Variants in ACVR1B observed in about 807,000 individuals in gnomAD.
ACVR1B encodes the protein activin receptor type-1B.
A neutral mutation model predicts 55.6 loss-of-function variants in ACVR1B; 15 were observed. The observed-to-expected ratio is 0.27, with a 90% CI of 0.18 to 0.42. The LOEUF (loss-of-function observed/expected upper bound fraction) is 0.42. Among genes scored for constraint, ACVR1B ranks in the 10% least tolerant of loss-of-function variants. The pLI, the probability that ACVR1B is intolerant of heterozygous loss-of-function variation, is 1.00. For synonymous variants in ACVR1B, 247 were observed against 254.6 expected, an observed-to-expected ratio of 0.97 and a Z score of 0.28; for missense variants, 359 against 670.1, an observed-to-expected ratio of 0.54 and a Z score of 5.13.
chr12:51,976,306 C>T, intron 2 of ACVR1B, 21 bp from the exon 3 acceptor site: 1 of 1,613,436 alleles, frequency 6.2e-7, no homozygotes. Context: ...TTCTTTCCCT[C>T]TCCTCTCTCA....
intron 7 of ACVR1B, 140 bp downstream of exon 7, chr12:51,987,082 C>A (rs752832192): frequency 4.1e-5 from 49 of 1,199,026 alleles, no homozygotes; most frequent in East Asian, 2.6e-4. Context: ...AGGTTGCCAT[C>A]AAAGGTGTGG....
chr12:51,970,219 T>G (rs1941721127), intron 1 of ACVR1B, among the ~76,000 whole-genome samples: 1 of 152,186 alleles, frequency 6.6e-6, no homozygotes, highest in South Asian at 2.1e-4. Flanking sequence ...CCCTGCTGGC[T>G]CTGTGTGCCA....
chr12:51,990,312 C>CTTTTT lies in ACVR1B; in HGVS notation c.1262-1533_1262-1529dup, dbSNP rs71092738. ...CACACACACACACACAAATTTAGTG[C>CTTTTT]TTTTTTTTTTTTTTTTTTTTTTGAG... On this transcript the variant is annotated intron_variant, in intron 7 of 8. Coordinates refer to ENST00000257963, the MANE Select transcript of ACVR1B (RefSeq NM_004302.5). Among the ~76,000 whole-genome samples the CTTTTT allele has an allele frequency of 1.0e-3, 90 of 89,570 alleles. 4 individuals carry two copies. The highest frequency in any genetic ancestry group is 2.6e-3 in the African/African-American group (57 of 22,200). 58.8% of individuals were successfully genotyped at this position (89,570 alleles called of 152,430 possible).
At chr12:51,969,076 A>T (rs1565613795) in intron 1 of ACVR1B, among the ~76,000 whole-genome samples, 1 of 152,188 alleles carries the variant, frequency 6.6e-6, no homozygotes, top group African/African-American at 2.4e-5. Context: ...AAGCCTTCAG[A>T]TGATTCCAGC....
At chr12:51,964,325 GGTT>G (rs1057340909) in intron 1 of ACVR1B, among the ~76,000 whole-genome samples, 16 of 152,018 alleles carry the variant, frequency 1.1e-4, no homozygotes, top group Non-Finnish European at 1.8e-4. Flanking sequence ...TTTTTAATTG[GGTT>G]GTTGTTGAGT....
intron 1 of ACVR1B, among the ~76,000 whole-genome samples, chr12:51,968,673 G>T (rs1565613661): frequency 6.6e-6 from 1 of 152,180 alleles, no homozygotes; most frequent in Non-Finnish European, 1.5e-5. Flanking sequence ...TACAGTTTCT[G>T]CCAGGTTCGT....
In ACVR1B at chr12:51,991,945, T is replaced by C. The variant is rs370721275; in HGVS notation, c.1344T>C (p.Cys448=). ...PSIEEMRKVV[C]DQKLRPNIPN... ...TTGAGGAAATGCGAAAGGTTGTATG[T>C]GATCAGAAGCTGCGTCCCAACATCC... is the stretch of plus-strand genomic sequence containing the variant. Residue 448 remains cysteine (C), a synonymous_variant, in exon 8 of 9, where the codon TGT becomes TGC. Transcript: ENST00000257963. 6.2e-7 allele frequency: 1 copy of C among 1,614,086 alleles called. No individual in the cohort carries two copies. Among genetic ancestry groups the C allele is most frequent in the African/African-American group, 1.3e-5 (1 of 74,926 alleles).
chr12:51,970,117 C>T (rs564034825), intron 1 of ACVR1B, among the ~76,000 whole-genome samples: 4 of 152,064 alleles, frequency 2.6e-5, no homozygotes, highest in Admixed American at 6.6e-5. Flanking sequence ...GCATTTGATA[C>T]GGGGAGGGTA....
At chr12:51,962,229 G>A (rs1054470027) in intron 1 of ACVR1B, among the ~76,000 whole-genome samples, 26 of 152,078 alleles carry the variant, frequency 1.7e-4, no homozygotes, top group Admixed American at 6.5e-5. Flanking sequence ...TTCCCAGATT[G>A]GAATTAAATA....
chr12:51,988,493 A>G (rs1316875563), intron 7 of ACVR1B, among the ~76,000 whole-genome samples: 1 of 152,032 alleles, frequency 6.6e-6, no homozygotes, highest in Non-Finnish European at 1.5e-5. Flanking sequence ...AACTAAGAAA[A>G]ATCTGGTCAC....
Position 51,985,348 on chromosome 12 carries a change from G to A in ACVR1B, c.1136G>A (p.Arg379Gln), listed in dbSNP as rs2120704638. ...CCGAATCAGAGGGTGGGGACCAAAC[G>A]GTAGGAGGGCCTGGGACTCTGCCCT... ...IAPNQRVGTK[R>Q]YMAPEVLDET... Residue 379 changes from arginine to glutamine, a missense_variant and splice_region_variant, in exon 6 of 9, where the codon CGA becomes CAA. By Grantham distance (43) the Arg-to-Gln change is conservative. Coordinates refer to ENST00000257963, the MANE Select transcript of ACVR1B (RefSeq NM_004302.5). 1.2e-6 allele frequency: 2 copies of A among 1,610,194 alleles called. No homozygotes were observed. The highest frequency in any genetic ancestry group is 1.7e-6 in the Non-Finnish European group (2 of 1,178,332).
At chr12:51,956,262 G>T (rs1042503646) in intron 1 of ACVR1B, among the ~76,000 whole-genome samples, 7 of 152,174 alleles carry the variant, frequency 4.6e-5, no homozygotes, top group Non-Finnish European at 8.8e-5. Context: ...TTTGAATTTA[G>T]CATAATGAAA....
chr12:51,976,228 A>G (rs1786662789), intron 2 of ACVR1B, 99 bp from the exon 3 acceptor site: 1 of 1,416,890 alleles, frequency 7.1e-7, no homozygotes, highest in Non-Finnish European at 9.7e-7. Context: ...ATCGACAGGG[A>G]AAGGGGTCTT....
intron 4 of ACVR1B, among the ~76,000 whole-genome samples, chr12:51,983,676 C>A (rs765085503): frequency 6.6e-6 from 1 of 152,204 alleles, no homozygotes. Context: ...ATAGCTGTTA[C>A]CTTCCCCAGG....
intron 1 of ACVR1B, among the ~76,000 whole-genome samples, chr12:51,963,035 G>A (rs907074820): frequency 1.3e-5 from 2 of 152,076 alleles, no homozygotes; most frequent in African/African-American, 4.8e-5. Context: ...GAAAAACACT[G>A]TAGTTTTTTT....
rs1301679883 is a variant in ACVR1B at position 51,951,734 on chromosome 12, G to A, written c.-10G>A. 3 of 1,239,820 alleles carry A rather than the reference G, an allele frequency of 2.4e-6. No individual in the cohort carries two copies. The highest frequency in any genetic ancestry group is 3.2e-5 in the East Asian group (1 of 31,668). The allele number at this position is 1,239,820 out of a possible 1,614,324, so 76.8% of individuals were successfully genotyped here. A position where few individuals can be genotyped will look rare whatever the true frequency, so the allele number is the denominator to read the frequency against. ...GGGCTGCGGCGGCGGCGGCGGCGGC[G>A]GTGGTTACTATGGCGGAGTCGGCCG... On this transcript the variant is annotated 5_prime_UTR_variant, in exon 1 of 9. Transcript: ENST00000257963.
At chr12:51,959,967 T>C (rs1022912880) in intron 1 of ACVR1B, 2 of 152,046 alleles carry the variant, frequency 1.3e-5, no homozygotes, top group Admixed American at 1.3e-4. Context: ...CCTTGTATAT[T>C]GCTTTGGTAT....
chr12:51,957,441 CA>C (rs76826910), intron 1 of ACVR1B, among the ~76,000 whole-genome samples: 38,172 of 96,186 alleles, frequency 0.4, 5,848 homozygotes, highest in Admixed American at 0.55. Flanking sequence ...GAGACTCCGT[CA>C]AAAAAAAAAA....
Position 51,951,848 on chromosome 12 carries a change from CG to C in ACVR1B, c.91+20del. The C allele has an allele frequency of 4.0e-6, 5 of 1,253,698 alleles. No individual in the cohort carries two copies. Among genetic ancestry groups the C allele is most frequent in the East Asian group, 3.1e-5 (1 of 32,764 alleles). 77.7% of individuals were successfully genotyped at this position (1,253,698 alleles called of 1,614,324 possible). A position where few individuals can be genotyped will look rare whatever the true frequency, so the allele number is the denominator to read the frequency against. On this transcript the variant is annotated intron_variant, in intron 1 of 8. Coordinates refer to ENST00000257963, the MANE Select transcript of ACVR1B (RefSeq NM_004302.5). ...GGGGGGTCCAGGGTGAGTCCTGGGA[CG>C]GGGGGCGGGGGCCGGGATGGAGAGG... is the stretch of plus-strand genomic sequence containing the variant.
Sources: allele counts gnomAD v4.1 joint callset (sites outside exome capture counted in the v4.1 genomes callset), GRCh38; gene constraint gnomAD v4.1.1; transcripts MANE v1.5; gene names NCBI Gene and HGNC (gene_info 2026-07-23, HGNC 2026-07-21).